Variants in TENM1 observed in about 807,000 individuals in gnomAD.
The protein encoded by TENM1 is teneurin transmembrane protein 1, also known as teneurin-1.
A neutral mutation model predicts 174.8 loss-of-function variants in TENM1; 35 were observed. The observed-to-expected ratio is 0.20, with a 90% CI of 0.15 to 0.27. The LOEUF is 0.27. Ranked by LOEUF, TENM1 falls within the 10% of genes least tolerant of loss-of-function variation. The pLI is 1.00. For missense variants in TENM1, 1,633 were observed against 2,130.1 expected (o/e 0.77, Z 4.59); for synonymous variants, 781 against 798.7 (o/e 0.98, Z 0.37).
the TENM1 span, among the ~76,000 whole-genome samples, chrX:125,161,055 A>AC: frequency 1.9e-5 from 2 of 107,944 alleles, no homozygotes; most frequent in African/African-American, 6.8e-5. Context: ...AAAAAAAAAA[A>AC]AAAAAACAAA....
chrX:125,060,824 A>T, the TENM1 span, among the ~76,000 whole-genome samples: 2 of 111,117 alleles, frequency 1.8e-5, no homozygotes, highest in Non-Finnish European at 3.8e-5. Flanking sequence ...TTTTGTTATG[A>T]AAGGATTTGT....
At chrX:124,846,191 C>G (rs113096965) in intron 3 of TENM1, among the ~76,000 whole-genome samples, 3,054 of 110,227 alleles carry the variant, frequency 0.028, 116 homozygotes, top group African/African-American at 0.096. Context: ...ACCTGCTTTT[C>G]TTTGATTGGG....
At chrX:125,189,337 T>C in the TENM1 span, among the ~76,000 whole-genome samples, 2 of 112,629 alleles carry the variant, frequency 1.8e-5, no homozygotes, top group Non-Finnish European at 3.7e-5. Flanking sequence ...AACTGTTCAC[T>C]GTCTTAATAC....
chrX:124,625,183 A>T (rs771195259), intron 11 of TENM1, among the ~76,000 whole-genome samples: 1 of 111,368 alleles, frequency 9.0e-6, no homozygotes, highest in African/African-American at 3.3e-5. Flanking sequence ...TTTCCCTTTC[A>T]TTATACTATA....
chrX:124,400,651 C>G (rs1379032691), intron 27 of TENM1, among the ~76,000 whole-genome samples: 1 of 111,997 alleles, frequency 8.9e-6, no homozygotes, highest in African/African-American at 3.3e-5. Flanking sequence ...ACAACTCAGT[C>G]TACAAAATCT....
chrX:124,940,289 A>C (rs999566465), intron 1 of TENM1, among the ~76,000 whole-genome samples: 11 of 111,846 alleles, frequency 9.8e-5, no homozygotes, highest in Non-Finnish European at 2.1e-4. Context: ...GGTGGTAAGA[A>C]GAGATGGTCA....
chrX:124,789,432 T>C (rs1408690673), intron 3 of TENM1, among the ~76,000 whole-genome samples: 1 of 111,723 alleles, frequency 9.0e-6, no homozygotes, highest in Non-Finnish European at 1.9e-5. Context: ...AAATGGGATT[T>C]TCTTTTCTAT....
chrX:124,508,149 T>C (rs779167883), intron 18 of TENM1, among the ~76,000 whole-genome samples: 2 of 112,350 alleles, frequency 1.8e-5, no homozygotes, highest in African/African-American at 6.4e-5. Flanking sequence ...GACAAAATAC[T>C]ATCTATGTAA....
chrX:124,586,691 A>C (rs1388218953), intron 11 of TENM1, among the ~76,000 whole-genome samples: 20 of 106,194 alleles, frequency 1.9e-4, no homozygotes, highest in Non-Finnish European at 3.1e-4. Context: ...TGGCCAGGGC[A>C]ATTAGGCAGG....
At chrX:125,182,953 T>G in the TENM1 span, among the ~76,000 whole-genome samples, 1 of 111,972 alleles carries the variant, frequency 8.9e-6, no homozygotes, top group South Asian at 3.7e-4. Context: ...CAGAGGCATT[T>G]TTTATTATTT....
At chrX:124,995,295 C>T in the TENM1 span, among the ~76,000 whole-genome samples, 2 of 111,247 alleles carry the variant, frequency 1.8e-5, no homozygotes, top group Non-Finnish European at 3.8e-5. Flanking sequence ...TATTTTAATA[C>T]TGTCTGTCTT....
intron 11 of TENM1, among the ~76,000 whole-genome samples, chrX:124,588,768 A>C (rs187270490): frequency 6.2e-5 from 7 of 112,119 alleles, no homozygotes; most frequent in African/African-American, 2.3e-4. Context: ...AACTTTACTG[A>C]AGTCCTGTAT....
chrX:124,890,917 A>C (rs1033512531), intron 3 of TENM1, among the ~76,000 whole-genome samples: 1 of 112,256 alleles, frequency 8.9e-6, no homozygotes, highest in Non-Finnish European at 1.9e-5. Context: ...CAACAGATGA[A>C]TAGATAAAGA....
chrX:124,875,378 C>A (rs935035919), intron 3 of TENM1, among the ~76,000 whole-genome samples: 1 of 108,491 alleles, frequency 9.2e-6, no homozygotes, highest in Non-Finnish European at 1.9e-5. Flanking sequence ...TTACTAAATT[C>A]TCTTATTTCT....
chrX:124,756,233 A>C (rs1207787638), intron 3 of TENM1, among the ~76,000 whole-genome samples: 2 of 100,493 alleles, frequency 2.0e-5, no homozygotes, highest in African/African-American at 8.3e-5. Context: ...GCTTCATTTC[A>C]TTCATTTCAT....
intron 22 of TENM1, among the ~76,000 whole-genome samples, chrX:124,457,299 G>C (rs2061120336): frequency 8.9e-6 from 1 of 112,144 alleles, no homozygotes; most frequent in Non-Finnish European, 1.9e-5. Context: ...ACCTGGAAGT[G>C]TGAATGGTGC....
intron 25 of TENM1, among the ~76,000 whole-genome samples, chrX:124,411,337 A>ATGTG (rs35094942): frequency 8.3e-5 from 9 of 108,290 alleles, no homozygotes; most frequent in Admixed American, 2.9e-4. Flanking sequence ...GTGTGTGTGT[A>ATGTG]TGTGTGTGTG....
intron 1 of TENM1, among the ~76,000 whole-genome samples, chrX:124,939,007 A>G (rs5956713): frequency 0.016 from 1,744 of 111,840 alleles, 38 homozygotes; most frequent in African/African-American, 0.054. Context: ...CACAACTTAA[A>G]AAGGGAGGCG....
the TENM1 span, among the ~76,000 whole-genome samples, chrX:125,118,090 C>T: frequency 9.0e-6 from 1 of 111,559 alleles, no homozygotes; most frequent in Non-Finnish European, 1.9e-5. Flanking sequence ...GATGGAACCA[C>T]AGGCCATTAT....
Sources: allele counts gnomAD v4.1 joint callset (sites outside exome capture counted in the v4.1 genomes callset), GRCh38; gene constraint gnomAD v4.1.1; transcripts MANE v1.5; gene names NCBI Gene and HGNC (gene_info 2026-07-23, HGNC 2026-07-21).